Variants in RCAN2 observed in about 807,000 individuals in gnomAD.
The protein encoded by RCAN2 is regulator of calcineurin 2.
RCAN2 carries 9 observed loss-of-function variants against 23.6 expected under a neutral mutation model. The observed-to-expected ratio is 0.38, with a 90% CI of 0.23 to 0.67. RCAN2 has a LOEUF of 0.67. RCAN2 is among the 30% of genes least tolerant of loss of function. The pLI is 0.51. For synonymous variants in RCAN2, 109 were observed against 115.7 expected (o/e 0.94, Z 0.37); for missense variants, 273 against 302.3 (o/e 0.90, Z 0.72).
chr6:46,269,920 C>T (rs1037153217), intron 2 of RCAN2, among the ~76,000 whole-genome samples: 1 of 152,140 alleles, frequency 6.6e-6, no homozygotes, highest in Non-Finnish European at 1.5e-5. Flanking sequence ...AGTCACAGGT[C>T]GAGAGCTATC....
rs1397977686 is a variant in RCAN2 at position 46,364,102 on chromosome 6, T to G, written c.225+92650A>C. On this transcript the variant is annotated intron_variant, in intron 2 of 4. Coordinates refer to ENST00000371374, the MANE Select transcript of RCAN2 (RefSeq NM_001251974.2). ...GAAAGGGTGTGTTCCACAACCCCAG[T>G]GTTCACTAAGACACCCAATCATCAT... 2.0e-5 allele frequency among the ~76,000 whole-genome samples: 3 copies of G among 152,166 alleles called. No homozygotes were observed. The East Asian group carries it at 5.8e-4, about 29-fold the overall frequency.
At chr6:46,414,642 A>G (rs1440592125) in intron 2 of RCAN2, among the ~76,000 whole-genome samples, 1 of 152,170 alleles carries the variant, frequency 6.6e-6, no homozygotes, top group Non-Finnish European at 1.5e-5. Flanking sequence ...TAGAGAAAAG[A>G]CTAACTTCCC....
At chr6:46,290,333 C>T (rs539860365) in intron 2 of RCAN2, among the ~76,000 whole-genome samples, 5 of 152,166 alleles carry the variant, frequency 3.3e-5, no homozygotes, top group African/African-American at 9.6e-5. Flanking sequence ...ACTGCTATAT[C>T]TTGTGTATTA....
intron 2 of RCAN2, among the ~76,000 whole-genome samples, chr6:46,413,463 T>C (rs545229895): frequency 6.6e-6 from 1 of 152,364 alleles, no homozygotes; most frequent in African/African-American, 2.4e-5. Flanking sequence ...GTCCTCCTGA[T>C]ACTTGTGGAT....
chr6:46,484,988 A>G (rs905481272), intron 1 of RCAN2, among the ~76,000 whole-genome samples: 2 of 152,240 alleles, frequency 1.3e-5, no homozygotes, highest in Non-Finnish European at 2.9e-5. Context: ...GGGAAAGTTC[A>G]TTAGTATAAC....
At chr6:46,457,872 A>G (rs1340003734) in intron 1 of RCAN2, among the ~76,000 whole-genome samples, 1 of 151,998 alleles carries the variant, frequency 6.6e-6, no homozygotes, top group Non-Finnish European at 1.5e-5. Flanking sequence ...CACCCCTTAT[A>G]TTTGCAGTTT....
intron 2 of RCAN2, among the ~76,000 whole-genome samples, chr6:46,370,420 C>A (rs1233298586): frequency 6.6e-6 from 1 of 152,146 alleles, no homozygotes; most frequent in Non-Finnish European, 1.5e-5. Flanking sequence ...ATGGAATGCA[C>A]CTCCCTCCCT....
intron 1 of RCAN2, among the ~76,000 whole-genome samples, chr6:46,458,335 A>G (rs2150433745): frequency 1.3e-5 from 2 of 152,252 alleles, no homozygotes; most frequent in South Asian, 4.1e-4. Flanking sequence ...TTTTATTTTC[A>G]TTTTTCCTAG....
rs73735736 is a variant in RCAN2, at chr6:46,259,422, A to G, written c.226-10526T>C. 5.1e-3 allele frequency among the ~76,000 whole-genome samples: 771 copies of G among 152,318 alleles called. 2 individuals carry two copies. The highest frequency in any genetic ancestry group is 0.017 in the African/African-American group (725 of 41,572). ...ATGCCCAAGAGAGTGTGAAGTATGT[A>G]CTGTGCAGTCACAAAATAATCTGGA... On this transcript the variant is annotated intron_variant, in intron 2 of 4. Coordinates refer to ENST00000371374, the MANE Select transcript of RCAN2 (RefSeq NM_001251974.2).
intron 2 of RCAN2, among the ~76,000 whole-genome samples, chr6:46,411,428 T>C (rs1766547241): frequency 6.6e-6 from 1 of 152,124 alleles, no homozygotes; most frequent in African/African-American, 2.4e-5. Flanking sequence ...CACAACAACG[T>C]GAATGCAGTT....
intron 1 of RCAN2, among the ~76,000 whole-genome samples, chr6:46,459,476 T>G (rs1768150100): frequency 6.6e-6 from 1 of 152,216 alleles, no homozygotes; most frequent in Admixed American, 6.5e-5. Context: ...TTAATTTCTA[T>G]CCTAAGCTGT....
At chr6:46,441,664 A>G (rs1398408259) in intron 2 of RCAN2, among the ~76,000 whole-genome samples, 1 of 151,990 alleles carries the variant, frequency 6.6e-6, no homozygotes, top group East Asian at 1.9e-4. Context: ...CACAGATGAG[A>G]TTATGGTATT....
At chr6:46,349,759 T>C (rs1004474409) in intron 2 of RCAN2, among the ~76,000 whole-genome samples, 1 of 152,138 alleles carries the variant, frequency 6.6e-6, no homozygotes, top group African/African-American at 2.4e-5. Context: ...CAAACCATCA[T>C]TTTCTCTCAC....
At chr6:46,264,337 T>C (rs902190543) in intron 2 of RCAN2, among the ~76,000 whole-genome samples, 2 of 152,222 alleles carry the variant, frequency 1.3e-5, no homozygotes, top group African/African-American at 4.8e-5. Context: ...AGCAGCAGGG[T>C]ATCCTTTAAC....
chr6:46,437,151 T>C (rs1298602649), intron 2 of RCAN2, among the ~76,000 whole-genome samples: 4 of 152,206 alleles, frequency 2.6e-5, no homozygotes, highest in Non-Finnish European at 4.4e-5. Context: ...ATTGATCCTA[T>C]TTGGGTGTAT....
At chr6:46,283,624 T>G (rs532696238) in intron 2 of RCAN2, among the ~76,000 whole-genome samples, 1 of 152,292 alleles carries the variant, frequency 6.6e-6, no homozygotes, top group Admixed American at 6.5e-5. Flanking sequence ...TCAAGATACT[T>G]TCTCTTTGTC....
At chr6:46,439,519 A>G (rs753598418) in intron 2 of RCAN2, among the ~76,000 whole-genome samples, 1 of 152,196 alleles carries the variant, frequency 6.6e-6, no homozygotes. Context: ...TCCACTCTAT[A>G]AATACATACG....
chr6:46,312,297 T>G (rs1008942099), intron 2 of RCAN2, among the ~76,000 whole-genome samples: 1 of 152,242 alleles, frequency 6.6e-6, no homozygotes, highest in Non-Finnish European at 1.5e-5. Flanking sequence ...CATTGAGATG[T>G]TATTATGTAT....
At chr6:46,246,694 G>A in intron 4 of RCAN2, 54 bp downstream of exon 4, 1 of 1,521,916 alleles carries the variant, frequency 6.6e-7, no homozygotes, top group Non-Finnish European at 9.1e-7. Flanking sequence ...ATCTCATTTG[G>A]CTTTTCTAGG....
Sources: allele counts gnomAD v4.1 joint callset (sites outside exome capture counted in the v4.1 genomes callset), GRCh38; gene constraint gnomAD v4.1.1; transcripts MANE v1.5; gene names NCBI Gene and HGNC (gene_info 2026-07-23, HGNC 2026-07-21).